The following LRCH2 variants were observed in gnomAD, a reference collection of about 807,000 sequenced individuals.
The protein encoded by LRCH2 is leucine rich repeats and calponin homology domain containing 2.
LRCH2 carries 38 observed loss-of-function variants against 68.9 expected under a neutral mutation model. The ratio of observed to expected loss-of-function variants is 0.55; its 90% CI spans 0.43 to 0.72. The LOEUF is 0.72. Among genes scored for constraint, LRCH2 ranks in the 30% least tolerant of loss-of-function variants. The pLI, the probability that LRCH2 is intolerant of heterozygous loss-of-function variation, is 0.00. For synonymous variants in LRCH2, 191 were observed against 208.1 expected, an observed-to-expected ratio of 0.92 and a Z score of 0.71; for missense variants, 528 against 572.9, an observed-to-expected ratio of 0.92 and a Z score of 0.80.
chrX:115,193,355 AGGCACC>A (rs1556562011), intron 1 of LRCH2, among the ~76,000 whole-genome samples: 2 of 111,733 alleles, frequency 1.8e-5, no homozygotes, highest in Admixed American at 1.9e-4. Context: ...GATATCTCTC[AGGCACC>A]TCAAATTCTA....
intron 1 of LRCH2, chrX:115,192,341 C>A (rs1556561189): frequency 2.8e-6 from 3 of 1,080,048 alleles, no homozygotes; most frequent in Non-Finnish European, 3.7e-6. Flanking sequence ...CGCGACAGTT[C>A]CATCAAGAGT....
intron 11 of LRCH2, among the ~76,000 whole-genome samples, chrX:115,158,377 T>G (rs782801186): frequency 5.4e-5 from 6 of 111,784 alleles, no homozygotes; most frequent in Non-Finnish European, 1.1e-4. Flanking sequence ...AAAGAATACA[T>G]AGATTTCAAG....
At chrX:115,120,862 TC>T (rs1309942535) in intron 20 of LRCH2, among the ~76,000 whole-genome samples, 2 of 107,919 alleles carry the variant, frequency 1.9e-5, no homozygotes, top group African/African-American at 6.8e-5. Flanking sequence ...TGAGTTCATG[TC>T]CTTTGTAGGG....
intron 1 of LRCH2, among the ~76,000 whole-genome samples, chrX:115,211,882 A>C (rs2073009980): frequency 8.9e-6 from 1 of 112,309 alleles, no homozygotes; most frequent in Non-Finnish European, 1.9e-5. Context: ...CAATTTACCA[A>C]TTCAAAATTG....
At chrX:115,209,332 T>G (rs923357971) in intron 1 of LRCH2, among the ~76,000 whole-genome samples, 3 of 112,040 alleles carry the variant, frequency 2.7e-5, no homozygotes, top group African/African-American at 9.7e-5. Flanking sequence ...TGGGAGTTAA[T>G]TGAATCACAG....
chrX:115,143,779 A>G (rs1337067784), intron 14 of LRCH2, among the ~76,000 whole-genome samples: 2 of 112,113 alleles, frequency 1.8e-5, no homozygotes, highest in African/African-American at 6.5e-5. Context: ...AAGGTCATTC[A>G]TCATGACCAA....
intron 16 of LRCH2, 56 bp from the exon 17 acceptor site, chrX:115,124,058 A>T: frequency 1.4e-6 from 1 of 704,675 alleles, no homozygotes; most frequent in Non-Finnish European, 2.0e-6. Flanking sequence ...CTTTTCTTTC[A>T]AAATAATCAA....
chrX:115,206,084 T>G (rs1047530652), intron 1 of LRCH2, among the ~76,000 whole-genome samples: 8 of 112,131 alleles, frequency 7.1e-5, no homozygotes, highest in African/African-American at 2.6e-4. Flanking sequence ...CTACACATTT[T>G]TCATGCTTCT....
intron 14 of LRCH2, among the ~76,000 whole-genome samples, chrX:115,132,265 G>C: frequency 8.9e-6 from 1 of 111,741 alleles, no homozygotes; most frequent in Middle Eastern, 4.6e-3. Flanking sequence ...TGTATAAGGT[G>C]TAAGGAAGAG....
intron 20 of LRCH2, among the ~76,000 whole-genome samples, chrX:115,117,434 G>A (rs1306327951): frequency 1.8e-5 from 2 of 111,370 alleles, no homozygotes; most frequent in African/African-American, 6.5e-5. Context: ...TTATTCCACT[G>A]CTAGGTATTT....
At chrX:115,148,809 G>C (rs1332212524) in intron 14 of LRCH2, among the ~76,000 whole-genome samples, 1 of 111,174 alleles carries the variant, frequency 9.0e-6, no homozygotes, top group Non-Finnish European at 1.9e-5. Context: ...CTCATTAAAA[G>C]GACTCAGTAT....
intron 12 of LRCH2, among the ~76,000 whole-genome samples, chrX:115,151,973 G>C (rs1357523151): frequency 9.0e-6 from 1 of 111,215 alleles, no homozygotes; most frequent in Non-Finnish European, 1.9e-5. Context: ...AGAAAGGAAA[G>C]AGATCTACAG....
intron 5 of LRCH2, among the ~76,000 whole-genome samples, chrX:115,176,138 G>C (rs1358372955): frequency 1.8e-5 from 2 of 112,091 alleles, no homozygotes. Flanking sequence ...AATTAAAATA[G>C]AAAAAATAGT....
intron 14 of LRCH2, among the ~76,000 whole-genome samples, chrX:115,132,223 T>C (rs1488833413): frequency 8.9e-6 from 1 of 112,039 alleles, no homozygotes; most frequent in African/African-American, 3.2e-5. Context: ...AGGTCTAACA[T>C]TTAAGTCTTT....
chrX:115,192,243 C>A, intron 1 of LRCH2: 1 of 1,164,464 alleles, frequency 8.6e-7, no homozygotes, highest in Non-Finnish European at 1.1e-6. Context: ...ACAGTTCCAA[C>A]AACAGTCATG....
chrX:115,131,189 G>A (rs1423171562), intron 14 of LRCH2, among the ~76,000 whole-genome samples: 1 of 109,818 alleles, frequency 9.1e-6, no homozygotes, highest in Non-Finnish European at 1.9e-5. Context: ...CATGTGCCAT[G>A]TTGGTGTGCT....
At chrX:115,190,307 A>G in intron 1 of LRCH2, 1 of 1,151,630 alleles carries the variant, frequency 8.7e-7, no homozygotes, top group Non-Finnish European at 1.2e-6. Context: ...GGTCGCGACC[A>G]TGAGTACACA....
At chrX:115,169,605 T>G (rs781919869) in intron 6 of LRCH2, among the ~76,000 whole-genome samples, 55 of 111,633 alleles carry the variant, frequency 4.9e-4, no homozygotes, top group Non-Finnish European at 8.7e-4. Context: ...AATATAAAAT[T>G]TATATATATG....
chrX:115,199,959 G>T (rs1355279090), intron 1 of LRCH2, among the ~76,000 whole-genome samples: 1 of 112,125 alleles, frequency 8.9e-6, no homozygotes, highest in Non-Finnish European at 1.9e-5. Context: ...TCATAACACA[G>T]TGGAATAAAT....
Sources: gnomAD v4.1 joint callset for allele counts (sites outside exome capture counted in the v4.1 genomes callset) on GRCh38, gnomAD v4.1.1 for gene constraint, MANE v1.5 for transcripts, NCBI Gene and HGNC (gene_info 2026-07-23, HGNC 2026-07-21) for gene names.